ANK3: variants seen among roughly 807,000 people sequenced by gnomAD.
ANK3 encodes ankyrin-3.
Under a neutral mutation model 370.9 loss-of-function variants are expected in ANK3, and 57 were observed. The ratio of observed to expected loss-of-function variants is 0.15; its 90% CI spans 0.12 to 0.19. The LOEUF is 0.19. ANK3 is among the 10% of genes least tolerant of loss of function. ANK3 has a pLI of 1.00. For missense variants in ANK3, 4,439 were observed against 5,302.1 expected, an observed-to-expected ratio of 0.84 and a Z score of 5.06; for synonymous variants, 1,929 against 1,946.3, an observed-to-expected ratio of 0.99 and a Z score of 0.23.
At chr10:60,225,353 T>C (rs1186410679) in intron 8 of ANK3, among the ~76,000 whole-genome samples, 3 of 152,210 alleles carry the variant, frequency 2.0e-5, no homozygotes, top group Admixed American at 1.3e-4. Context: ...CACATTATAA[T>C]TGTGATCTTA....
At chr10:60,712,403 C>T (rs1005072330) in intron 1 of ANK3, among the ~76,000 whole-genome samples, 6 of 152,218 alleles carry the variant, frequency 3.9e-5, no homozygotes, top group African/African-American at 1.2e-4. Flanking sequence ...TATTCATGTA[C>T]TGGTGTGGTA....
chr10:60,128,014 A>G (rs1037478359), intron 25 of ANK3, among the ~76,000 whole-genome samples: 1 of 152,094 alleles, frequency 6.6e-6, no homozygotes, highest in African/African-American at 2.4e-5. Flanking sequence ...CATACTTTTT[A>G]TAATTGTTAC....
chr10:60,506,572 T>C (rs1349946590), intron 2 of ANK3, among the ~76,000 whole-genome samples: 1 of 152,128 alleles, frequency 6.6e-6, no homozygotes, highest in Non-Finnish European at 1.5e-5. Flanking sequence ...GGCTCTGGAT[T>C]TTAGCAGATG....
chr10:60,370,288 T>C (rs2059932948), intron 1 of ANK3, among the ~76,000 whole-genome samples: 1 of 152,178 alleles, frequency 6.6e-6, no homozygotes, highest in African/African-American at 2.4e-5. Flanking sequence ...AGATGCTTCC[T>C]TTTTCATTTC....
intron 1 of ANK3, among the ~76,000 whole-genome samples, chr10:60,655,966 T>C (rs936742399): frequency 1.3e-5 from 2 of 152,236 alleles, no homozygotes; most frequent in Non-Finnish European, 2.9e-5. Flanking sequence ...CAACAGGCTA[T>C]ACCATACAGC....
intron 2 of ANK3, among the ~76,000 whole-genome samples, chr10:60,582,139 G>A (rs997040628): frequency 3.3e-5 from 5 of 152,168 alleles, no homozygotes; most frequent in South Asian, 4.1e-4. Context: ...GGGGCTAGGG[G>A]AGGGATAGCA....
intron 1 of ANK3, among the ~76,000 whole-genome samples, chr10:60,376,308 G>A (rs191839283): frequency 6.6e-6 from 1 of 152,332 alleles, no homozygotes; most frequent in African/African-American, 2.4e-5. Context: ...AAGCTGAAAT[G>A]GAGGTCTAGG....
chr10:60,410,518 C>T (rs1342214635), intron 2 of ANK3, among the ~76,000 whole-genome samples: 1 of 152,130 alleles, frequency 6.6e-6, no homozygotes, highest in African/African-American at 2.4e-5. Flanking sequence ...TTCATTCTTA[C>T]CAAACTTTGG....
At chr10:60,637,714 T>G (rs1304730517) in intron 1 of ANK3, among the ~76,000 whole-genome samples, 1 of 152,136 alleles carries the variant, frequency 6.6e-6, no homozygotes, top group South Asian at 2.1e-4. Flanking sequence ...AGAGATGACA[T>G]GAGAAAAATA....
At chr10:60,426,807 A>C (rs904342072) in intron 2 of ANK3, among the ~76,000 whole-genome samples, 2 of 152,180 alleles carry the variant, frequency 1.3e-5, no homozygotes, top group East Asian at 3.8e-4. Context: ...AAAATTATGA[A>C]GTATAGAAGC....
intron 1 of ANK3, among the ~76,000 whole-genome samples, chr10:60,682,217 T>C (rs1175048761): frequency 1.3e-5 from 2 of 152,014 alleles, no homozygotes; most frequent in African/African-American, 4.8e-5. Context: ...ACAGCTTAAA[T>C]AACTTGTCCA....
chr10:60,080,468 G>T, intron 36 of ANK3, 69 bp downstream of exon 36: 1 of 1,379,138 alleles, frequency 7.3e-7, no homozygotes, highest in Non-Finnish European at 1.0e-6. Flanking sequence ...ATAAAATTTG[G>T]TTTGTATAGA....
chr10:60,531,219 C>A (rs1405688971), intron 2 of ANK3, among the ~76,000 whole-genome samples: 1 of 151,962 alleles, frequency 6.6e-6, no homozygotes, highest in Non-Finnish European at 1.5e-5. Flanking sequence ...ATGAGACAAT[C>A]ATGCAATGAG....
intron 2 of ANK3, among the ~76,000 whole-genome samples, chr10:60,454,837 A>G (rs78152383): frequency 0.02 from 3,063 of 152,314 alleles, 112 homozygotes; most frequent in African/African-American, 0.07. Flanking sequence ...TGAAGTTAAC[A>G]TAGTGAAACC....
chr10:60,141,005 T>G, intron 23 of ANK3: 1 of 985,502 alleles, frequency 1.0e-6, no homozygotes, highest in Non-Finnish European at 1.2e-6. Flanking sequence ...ACTTTCAACT[T>G]TGTTCTCAGC....
intron 23 of ANK3, chr10:60,146,043 T>C: frequency 6.7e-7 from 1 of 1,502,730 alleles, no homozygotes; most frequent in South Asian, 1.2e-5. Flanking sequence ...ATGAATAAAA[T>C]TAACAAAATA....
chr10:60,395,620 C>CTTTCTTTCTT lies in ANK3; in HGVS notation c.97-115982_97-115981insAAGAAAGAAA, dbSNP rs57944792. ...TCTTTCTTTCTTTCTCTCTTTCGTTCTCTCTCTCTCTCTCTCTCTCTCTCT... is the reference window on the plus strand; with the variant it reads ...TCTTTCTTTCTTTCTCTCTTTCGTTCTTTCTTTCTTTCTCTCTCTCTCTCTCTCTCTCTCT... On this transcript the variant is annotated intron_variant, in intron 2 of 43. Transcript: ENST00000373827. 5.5e-3 allele frequency among the ~76,000 whole-genome samples: 179 copies of CTTTCTTTCTT among 32,594 alleles called. 2 individuals are homozygous for CTTTCTTTCTT. The Middle Eastern group carries it at 0.069, about 13-fold the overall frequency. 21.4% of individuals were successfully genotyped at this position (32,594 alleles called of 152,430 possible).
intron 1 of ANK3, among the ~76,000 whole-genome samples, chr10:60,334,735 A>G (rs2052367611): frequency 6.6e-6 from 1 of 152,224 alleles, no homozygotes; most frequent in Non-Finnish European, 1.5e-5. Flanking sequence ...TGAGAACAAG[A>G]GCCCAGTACA....
chr10:60,184,149 A>G (rs1481729674), intron 17 of ANK3, among the ~76,000 whole-genome samples: 1 of 152,198 alleles, frequency 6.6e-6, no homozygotes, highest in Non-Finnish European at 1.5e-5. Flanking sequence ...AACATAAATT[A>G]TGAAAGCTAA....
Sources: allele counts gnomAD v4.1 joint callset (sites outside exome capture counted in the v4.1 genomes callset), GRCh38; gene constraint gnomAD v4.1.1; transcripts MANE v1.5; gene names NCBI Gene and HGNC (gene_info 2026-07-23, HGNC 2026-07-21).